The following UNC13C variants were observed in gnomAD, a reference collection of about 807,000 sequenced individuals.
The protein encoded by UNC13C is unc-13 homolog C, also known as protein unc-13 homolog C.
A neutral mutation model predicts 245.4 loss-of-function variants in UNC13C; 174 were observed. The ratio of observed to expected loss-of-function variants is 0.71; its 90% CI spans 0.63 to 0.80. The LOEUF (loss-of-function observed/expected upper bound fraction) is 0.80. Ranked by LOEUF, UNC13C falls within the 30% of genes least tolerant of loss-of-function variation. The probability of loss-of-function intolerance (pLI) is 0.00; values close to 1 mark genes in which losing one functional copy is unlikely to be tolerated. For synonymous variants in UNC13C, 992 were observed against 895.1 expected, an observed-to-expected ratio of 1.11 and a Z score of -1.93; for missense variants, 2,829 against 2,602.9, an observed-to-expected ratio of 1.09 and a Z score of -1.89.
intron 1 of UNC13C, among the ~76,000 whole-genome samples, chr15:53,991,855 T>C (rs1894405973): frequency 6.6e-6 from 1 of 152,066 alleles, no homozygotes; most frequent in Non-Finnish European, 1.5e-5. Flanking sequence ...ACCTGATATA[T>C]AGATGATAGG....
chr15:54,359,415 A>G (rs2039176619), intron 17 of UNC13C, among the ~76,000 whole-genome samples: 1 of 151,914 alleles, frequency 6.6e-6, no homozygotes, highest in Admixed American at 6.6e-5. Flanking sequence ...TTCCTTAAAT[A>G]TTTGATAATT....
intron 17 of UNC13C, among the ~76,000 whole-genome samples, chr15:54,369,344 C>A (rs935868739): frequency 3.3e-5 from 5 of 152,104 alleles, no homozygotes; most frequent in Admixed American, 3.3e-4. Flanking sequence ...TTTGCCGAAG[C>A]CCTTTTGTTT....
chr15:54,034,961 CT>C (rs1896513267), intron 2 of UNC13C, among the ~76,000 whole-genome samples: 1 of 152,208 alleles, frequency 6.6e-6, no homozygotes, highest in Admixed American at 6.5e-5. Flanking sequence ...TGAAACTCTT[CT>C]TCCCAATGAC....
At chr15:54,072,082 ATTAC>A (rs1898355080) in intron 2 of UNC13C, among the ~76,000 whole-genome samples, 1 of 151,988 alleles carries the variant, frequency 6.6e-6, no homozygotes, top group Non-Finnish European at 1.5e-5. Context: ...CCATTCTTTT[ATTAC>A]TTTTCCCATA....
intron 10 of UNC13C, among the ~76,000 whole-genome samples, chr15:54,273,938 C>A (rs538233640): frequency 6.6e-6 from 1 of 152,250 alleles, no homozygotes; most frequent in East Asian, 1.9e-4. Flanking sequence ...GCTTTCTGAG[C>A]ATTTTTTTGG....
intron 19 of UNC13C, among the ~76,000 whole-genome samples, chr15:54,479,856 C>T (rs1893004681): frequency 6.6e-6 from 1 of 151,898 alleles, no homozygotes; most frequent in Non-Finnish European, 1.5e-5. Flanking sequence ...TGATGAATTC[C>T]TTCTGTTTTT....
At chr15:54,231,564 A>C (rs1003219829) in intron 4 of UNC13C, among the ~76,000 whole-genome samples, 1 of 152,090 alleles carries the variant, frequency 6.6e-6, no homozygotes, top group African/African-American at 2.4e-5. Context: ...GATTTAAAAA[A>C]ATAAAATGAG....
At chr15:54,104,964 GA>G (rs1900360650) in intron 2 of UNC13C, among the ~76,000 whole-genome samples, 3 of 152,082 alleles carry the variant, frequency 2.0e-5, no homozygotes, top group Non-Finnish European at 4.4e-5. Flanking sequence ...GTGTTTGTTT[GA>G]AAGTGCTGCC....
intron 4 of UNC13C, among the ~76,000 whole-genome samples, chr15:54,184,985 C>T (rs369924608): frequency 2.0e-4 from 30 of 152,116 alleles, no homozygotes; most frequent in East Asian, 1.2e-3. Context: ...TGGTATCTCA[C>T]TGTGGTTTTG....
downstream of UNC13C, chr15:54,631,017 G>A (rs543197043): frequency 5.3e-5 from 8 of 151,810 alleles, no homozygotes; most frequent in Non-Finnish European, 7.4e-5. Context: ...TATATAAATC[G>A]ATGAAAATAA....
the UNC13C span, among the ~76,000 whole-genome samples, chr15:53,866,112 A>G: frequency 1.3e-5 from 2 of 152,216 alleles, no homozygotes; most frequent in African/African-American, 4.8e-5. Flanking sequence ...GATAGTAGAG[A>G]AAACTTTTCA....
chr15:54,465,598 G>A (rs1049731874), intron 19 of UNC13C, among the ~76,000 whole-genome samples: 1 of 152,096 alleles, frequency 6.6e-6, no homozygotes, highest in Non-Finnish European at 1.5e-5. Context: ...TATGGCTGAG[G>A]CTAGATAAAA....
chr15:54,171,066 G>T (rs932485566), intron 4 of UNC13C, among the ~76,000 whole-genome samples: 1 of 152,106 alleles, frequency 6.6e-6, no homozygotes, highest in Non-Finnish European at 1.5e-5. Flanking sequence ...TTTGTCAAAT[G>T]TACACATGCT....
chr15:54,303,997 C>A (rs935652245), intron 13 of UNC13C, among the ~76,000 whole-genome samples: 5 of 152,104 alleles, frequency 3.3e-5, no homozygotes, highest in Non-Finnish European at 7.4e-5. Context: ...TTATAAATCT[C>A]AGGAAAGGCA....
chr15:53,914,110 C>T, the UNC13C span: 3 of 13,364 alleles, frequency 2.2e-4, no homozygotes, highest in East Asian at 3.8e-3. Context: ...ATGTATCAGG[C>T]CTGTGTGCCC....
At chr15:54,219,870 G>T (rs1487373703) in intron 4 of UNC13C, among the ~76,000 whole-genome samples, 2 of 152,038 alleles carry the variant, frequency 1.3e-5, no homozygotes, top group East Asian at 1.9e-4. Context: ...GGCCATCAGA[G>T]AAATGCAAAT....
chr15:53,859,558 A>C, the UNC13C span, among the ~76,000 whole-genome samples: 2 of 152,218 alleles, frequency 1.3e-5, no homozygotes, highest in African/African-American at 4.8e-5. Flanking sequence ...AAAAAGAAAA[A>C]GATAAAAGGA....
intron 23 of UNC13C, among the ~76,000 whole-genome samples, chr15:54,508,332 G>A (rs1327395921): frequency 6.6e-6 from 1 of 151,944 alleles, no homozygotes; most frequent in African/African-American, 2.4e-5. Flanking sequence ...AGCTCCTAAG[G>A]CTAATTCCTG....
At chr15:54,179,289 CAAAAG>C (rs1474477545) in intron 4 of UNC13C, among the ~76,000 whole-genome samples, 1 of 151,938 alleles carries the variant, frequency 6.6e-6, no homozygotes, top group Non-Finnish European at 1.5e-5. Context: ...GGCTGATAAT[CAAAAG>C]AAACAAAATA....
Sources: allele counts gnomAD v4.1 joint callset (sites outside exome capture counted in the v4.1 genomes callset), GRCh38; gene constraint gnomAD v4.1.1; transcripts MANE v1.5; gene names NCBI Gene and HGNC (gene_info 2026-07-23, HGNC 2026-07-21).